CFAP206: variants seen among roughly 807,000 people sequenced by gnomAD.
CFAP206 encodes the protein cilia and flagella associated protein 206, also known as cilia- and flagella-associated protein 206.
In CFAP206, 53 loss-of-function variants were observed where a neutral mutation model predicts 65.4. That is an observed-to-expected ratio of 0.81 (90% CI 0.65 to 1.02). The LOEUF is 1.02. CFAP206 is among the 50% of genes least tolerant of loss of function. The pLI is 0.00. For synonymous variants in CFAP206, 250 were observed against 254.4 expected, an observed-to-expected ratio of 0.98 and a Z score of 0.17; for missense variants, 663 against 753.2, an observed-to-expected ratio of 0.88 and a Z score of 1.40.
rs1768792954 is a variant in CFAP206, at chr6:87,464,387, A to G, written c.*137A>G. ...TTGTGTGACTGTTTATTGGGTTCCCATATTTTATCAAACTGTTTTCTGTAA... is the reference window on the plus strand; with the variant it reads ...TTGTGTGACTGTTTATTGGGTTCCCGTATTTTATCAAACTGTTTTCTGTAA... On this transcript the variant is annotated 3_prime_UTR_variant, in exon 13 of 13. Coordinates refer to ENST00000369562, the MANE Select transcript of CFAP206 (RefSeq NM_001031743.3). The G allele has an allele frequency of 5.8e-6, 3 of 516,462 alleles. No individual in the cohort carries two copies. Among genetic ancestry groups the G allele is most frequent in the Non-Finnish European group, 3.2e-6 (1 of 311,272 alleles). 32.0% of individuals were successfully genotyped at this position (516,462 alleles called of 1,614,324 possible). A position where few individuals can be genotyped will look rare whatever the true frequency, so the allele number is the denominator to read the frequency against.
At position 87,462,099 on chromosome 6, in the gene CFAP206, CT is replaced by C. The variant is rs1768759619; in HGVS notation, c.1638+936del. 2.0e-5 allele frequency among the ~76,000 whole-genome samples: 3 copies of C among 152,180 alleles called. 1 individual carries two copies. In the South Asian group the frequency reaches 6.2e-4, roughly 31 times the overall value. ...CAAAAAATGGAGAAGTTGGCTAAGTCTTCAACATTCTGGGTCAACTGCTACA... is the reference window on the plus strand; with the variant it reads ...CAAAAAATGGAGAAGTTGGCTAAGTCTCAACATTCTGGGTCAACTGCTACA... On this transcript the variant is annotated intron_variant, in intron 12 of 12. Coordinates refer to ENST00000369562, the MANE Select transcript of CFAP206 (RefSeq NM_001031743.3).
chr6:87,463,621 T>G (rs1768778295), intron 12 of CFAP206, among the ~76,000 whole-genome samples: 1 of 152,170 alleles, frequency 6.6e-6, no homozygotes, highest in Non-Finnish European at 1.5e-5. Flanking sequence ...TAGGGTGAAG[T>G]CCATTTTTAA....
Position 87,464,106 on chromosome 6 carries a change from A to G in CFAP206, c.1725A>G (p.Pro575=), listed in dbSNP as rs1271434350. The change falls in exon 13 of 13, where the codon CCA becomes CCG. Residue 575 remains proline (P), a synonymous_variant. Transcript: ENST00000369562. ...AAAATTGTTCCCAAGTGTACCCTCC[A>G]AAGGACACTAGCACCCAGTCCATGA... ...RRENCSQVYP[P]KDTSTQSMRE... 6.2e-7 allele frequency: 1 copy of G among 1,614,176 alleles called. No homozygotes were observed. The highest frequency in any genetic ancestry group is 1.7e-5 in the Admixed American group (1 of 60,020).
At position 87,431,118 on chromosome 6, in the gene CFAP206, A is replaced by G. The variant is rs748461916; in HGVS notation, c.1245A>G (p.Gln415=). 12 of 1,614,102 alleles carry G rather than the reference A, an allele frequency of 7.4e-6. No individual in the cohort carries two copies. Among genetic ancestry groups the G allele is most frequent in the African/African-American group, 5.3e-5 (4 of 75,046 alleles). Residue 415 remains glutamine, a synonymous_variant, in exon 10 of 13, where the codon CAA becomes CAG. Coordinates refer to ENST00000369562, the MANE Select transcript of CFAP206 (RefSeq NM_001031743.3). ...TTANFDKLLI[Q]YRGFCAYTFA... ...CAAATTTTGATAAACTGTTAATTCAATATCGGGGATTTTGTGCTTACACGT... is the reference window on the plus strand; with the variant it reads ...CAAATTTTGATAAACTGTTAATTCAGTATCGGGGATTTTGTGCTTACACGT...
intron 7 of CFAP206, among the ~76,000 whole-genome samples, chr6:87,424,299 G>A (rs35454058): frequency 0.038 from 5,729 of 151,098 alleles, 131 homozygotes; most frequent in Middle Eastern, 0.079. Context: ...TATTTTTTTG[G>A]GACAGAGTCT....
rs1218906138 is a variant in CFAP206, at chr6:87,464,324, T to G, written c.*74T>G. 3 of 1,148,212 alleles carry G rather than the reference T, an allele frequency of 2.6e-6. No individual in the cohort carries two copies. The South Asian group carries it at 5.8e-5, about 22-fold the overall frequency. The allele number at this position is 1,148,212 out of a possible 1,614,324, so 71.1% of individuals were successfully genotyped here. A position where few individuals can be genotyped will look rare whatever the true frequency, so the allele number is the denominator to read the frequency against. ...AAGTACTTAAAGGTATATTAACATC[T>G]ATACAAATTAATTTTGTAGGGGTGG... On this transcript the variant is annotated 3_prime_UTR_variant, in exon 13 of 13. Coordinates refer to ENST00000369562, the MANE Select transcript of CFAP206 (RefSeq NM_001031743.3).
chr6:87,424,372 C>G (rs1343451045), intron 7 of CFAP206, among the ~76,000 whole-genome samples: 1 of 152,080 alleles, frequency 6.6e-6, no homozygotes, highest in Non-Finnish European at 1.5e-5. Flanking sequence ...CTCCGCCTCC[C>G]GAGTTCAAGT....
intron 9 of CFAP206, among the ~76,000 whole-genome samples, chr6:87,429,116 C>G (rs1768110432): frequency 6.6e-6 from 1 of 151,924 alleles, no homozygotes; most frequent in Non-Finnish European, 1.5e-5. Context: ...ATCCCAGCTA[C>G]TGGGGAGGCT....
At chr6:87,419,044 A>G (rs1333629623) in intron 7 of CFAP206, among the ~76,000 whole-genome samples, 1 of 150,904 alleles carries the variant, frequency 6.6e-6, no homozygotes, top group Non-Finnish European at 1.5e-5. Flanking sequence ...CCCAGGAGGC[A>G]GAGGTTGCAG....
chr6:87,456,163 C>G (rs1337828515), intron 11 of CFAP206, among the ~76,000 whole-genome samples: 3 of 152,058 alleles, frequency 2.0e-5, no homozygotes, highest in Non-Finnish European at 2.9e-5. Flanking sequence ...TTCATTATGA[C>G]CAAGTGGGAT....
At chr6:87,447,015 G>A (rs1193652708) in intron 11 of CFAP206, among the ~76,000 whole-genome samples, 1 of 152,066 alleles carries the variant, frequency 6.6e-6, no homozygotes, top group African/African-American at 2.4e-5. Context: ...TGGTGTATAG[G>A]AATGCTTGTG....
chr6:87,435,097 A>G (rs752208707), intron 11 of CFAP206, 44 bp downstream of exon 11: 1 of 1,392,986 alleles, frequency 7.2e-7, no homozygotes, highest in South Asian at 1.3e-5. Flanking sequence ...ATTTAAAAAT[A>G]TAGTTAATTT....
intron 11 of CFAP206, among the ~76,000 whole-genome samples, chr6:87,450,214 T>C (rs954737837): frequency 1.7e-4 from 26 of 152,234 alleles, no homozygotes; most frequent in Admixed American, 7.9e-4. Flanking sequence ...TTTTGGTTAC[T>C]ATAGCTTTGT....
At chr6:87,410,787 A>G in intron 3 of CFAP206, 119 bp downstream of exon 3, 3 of 763,490 alleles carry the variant, frequency 3.9e-6, no homozygotes, top group Non-Finnish European at 2.2e-6. Context: ...ATAGTAGTAT[A>G]CACGAGATAT....
chr6:87,450,854 C>T (rs1188428745), intron 11 of CFAP206, among the ~76,000 whole-genome samples: 3 of 152,154 alleles, frequency 2.0e-5, no homozygotes, highest in South Asian at 2.1e-4. Context: ...GTAGCGGCCA[C>T]GTGACACAGA....
intron 11 of CFAP206, among the ~76,000 whole-genome samples, chr6:87,439,186 A>G (rs1035827417): frequency 6.6e-6 from 1 of 152,138 alleles, no homozygotes; most frequent in Non-Finnish European, 1.5e-5. Flanking sequence ...CATATTTATT[A>G]TATTGGATTG....
intron 11 of CFAP206, among the ~76,000 whole-genome samples, chr6:87,436,978 T>G (rs888530701): frequency 2.6e-5 from 4 of 151,162 alleles, no homozygotes; most frequent in African/African-American, 9.7e-5. Context: ...TTATTGTTTG[T>G]TTTTTTTTCT....
At chr6:87,410,933 C>T (rs557684447) in intron 3 of CFAP206, among the ~76,000 whole-genome samples, 58 of 152,290 alleles carry the variant, frequency 3.8e-4, no homozygotes, top group African/African-American at 1.3e-3. Flanking sequence ...GGGGGAAAGA[C>T]AAAGGGCAAA....
At chr6:87,441,009 A>G (rs1391269986) in intron 11 of CFAP206, among the ~76,000 whole-genome samples, 1 of 152,206 alleles carries the variant, frequency 6.6e-6, no homozygotes, top group Non-Finnish European at 1.5e-5. Flanking sequence ...TCTTTGATAT[A>G]CTAATGCATA....
Sources: allele counts gnomAD v4.1 joint callset (sites outside exome capture counted in the v4.1 genomes callset), GRCh38; gene constraint gnomAD v4.1.1; transcripts MANE v1.5; gene names NCBI Gene and HGNC (gene_info 2026-07-23, HGNC 2026-07-21).